SPATS2L: variants seen among roughly 807,000 people sequenced by gnomAD.
SPATS2L encodes the protein SPATS2-like protein.
In SPATS2L, 30 loss-of-function variants were observed where a neutral mutation model predicts 59.6. The observed-to-expected ratio is 0.50, with a 90% CI of 0.38 to 0.68. The LOEUF is 0.68. Among genes scored for constraint, SPATS2L ranks in the 30% least tolerant of loss-of-function variants. The pLI is 0.00. For synonymous variants in SPATS2L, 252 were observed against 263.5 expected, an observed-to-expected ratio of 0.96 and a Z score of 0.42; for missense variants, 615 against 700.0, an observed-to-expected ratio of 0.88 and a Z score of 1.37.
chr2:200,399,106 C>T (rs749707109), intron 3 of SPATS2L, among the ~76,000 whole-genome samples: 1 of 151,464 alleles, frequency 6.6e-6, no homozygotes, highest in Non-Finnish European at 1.5e-5. Flanking sequence ...TGAAATTTAC[C>T]CTCTTATTGT....
chr2:200,461,744 G>C (rs754908335), intron 9 of SPATS2L, among the ~76,000 whole-genome samples: 2 of 152,220 alleles, frequency 1.3e-5, no homozygotes, highest in Non-Finnish European at 2.9e-5. Flanking sequence ...TGAAAGATCA[G>C]ACCAGATTCT....
intron 2 of SPATS2L, among the ~76,000 whole-genome samples, chr2:200,351,020 G>T (rs1161192077): frequency 2.0e-5 from 3 of 152,116 alleles, no homozygotes; most frequent in Admixed American, 2.0e-4. Flanking sequence ...TCACTGCCAA[G>T]AACCTTCTGA....
rs375247521 is a variant in SPATS2L at position 200,395,022 on chromosome 2, C to G, written c.39+5739C>G. 6.6e-5 allele frequency among the ~76,000 whole-genome samples: 10 copies of G among 152,262 alleles called. No individual in the cohort carries two copies. In the East Asian group the frequency reaches 1.2e-3, roughly 18 times the overall value. On this transcript the variant is annotated intron_variant, in intron 3 of 12. Transcript: ENST00000409140. ...GGCTAATCTGATCTTATATTTAGGGCATACTCATTTTTTAATAGCTTCTTT... is the reference window on the plus strand; with the variant it reads ...GGCTAATCTGATCTTATATTTAGGGGATACTCATTTTTTAATAGCTTCTTT...
rs1034464701 is a variant in SPATS2L at position 200,479,892 on chromosome 2, T to C, written c.*1861T>C. On this transcript the variant is annotated 3_prime_UTR_variant, in exon 13 of 13. Transcript: ENST00000409140. ...TCTCTGGGTGTACCCAGAGATTTAATAGAAATTCTTAACGTTAAGTCACAT... is the reference window on the plus strand; with the variant it reads ...TCTCTGGGTGTACCCAGAGATTTAACAGAAATTCTTAACGTTAAGTCACAT... 1.0e-5 allele frequency: 4 copies of C among 397,158 alleles called. No homozygotes were observed. The highest frequency in any genetic ancestry group is 1.8e-5 in the Non-Finnish European group (4 of 225,782). The allele number at this position is 397,158 out of a possible 1,614,324, so 24.6% of individuals were successfully genotyped here.
chr2:200,382,206 C>T (rs1253810844), intron 2 of SPATS2L, among the ~76,000 whole-genome samples: 1 of 152,126 alleles, frequency 6.6e-6, no homozygotes, highest in East Asian at 1.9e-4. Flanking sequence ...TCCCCAGTAC[C>T]TGGGACTACA....
intron 8 of SPATS2L, among the ~76,000 whole-genome samples, chr2:200,444,859 A>C (rs1005550882): frequency 3.3e-5 from 5 of 152,032 alleles, no homozygotes; most frequent in African/African-American, 1.2e-4. Context: ...AGGTGTTTAT[A>C]GTGGTGTCTC....
At chr2:200,457,219 T>A (rs2085900171) in intron 8 of SPATS2L, among the ~76,000 whole-genome samples, 1 of 62,384 alleles carries the variant, frequency 1.6e-5, no homozygotes, top group Non-Finnish European at 3.2e-5. Flanking sequence ...AATGAAAACA[T>A]ACATACACAC....
intron 10 of SPATS2L, among the ~76,000 whole-genome samples, chr2:200,468,435 G>A (rs1408892916): frequency 6.9e-6 from 1 of 145,558 alleles, no homozygotes; most frequent in African/African-American, 2.5e-5. Context: ...AGACACAGCT[G>A]CTGCTAGCTT....
At chr2:200,443,850 G>A (rs769614848) in intron 8 of SPATS2L, among the ~76,000 whole-genome samples, 16 of 152,118 alleles carry the variant, frequency 1.1e-4, no homozygotes, top group Non-Finnish European at 8.8e-5. Flanking sequence ...TAAAATGAAC[G>A]AAATGATCTC....
chr2:200,312,618 G>A (rs1041926244), intron 1 of SPATS2L, among the ~76,000 whole-genome samples: 1 of 152,194 alleles, frequency 6.6e-6, no homozygotes, highest in African/African-American at 2.4e-5. Flanking sequence ...GTGCTATGAA[G>A]TACATGCTCC....
chr2:200,397,094 T>C (rs926053964), intron 3 of SPATS2L, among the ~76,000 whole-genome samples: 1 of 152,178 alleles, frequency 6.6e-6, no homozygotes, highest in Admixed American at 6.5e-5. Flanking sequence ...TCGCATTGCT[T>C]TTTCCAGGCT....
intron 2 of SPATS2L, among the ~76,000 whole-genome samples, chr2:200,347,105 T>C (rs944225340): frequency 6.6e-6 from 1 of 152,200 alleles, no homozygotes; most frequent in Non-Finnish European, 1.5e-5. Flanking sequence ...CCATTCTTCC[T>C]TTATATATGT....
chr2:200,479,454 G>C lies in SPATS2L; in HGVS notation c.*1423G>C, dbSNP rs550338236. ...CATGAAAGGGGGGAGAGAAGTGAATGGGATGAACTAATTTGCATAGACTAA... is the reference window on the plus strand; with the variant it reads ...CATGAAAGGGGGGAGAGAAGTGAATCGGATGAACTAATTTGCATAGACTAA... On this transcript the variant is annotated 3_prime_UTR_variant, in exon 13 of 13. Transcript: ENST00000409140. 2 of 397,898 alleles carry C rather than the reference G, an allele frequency of 5.0e-6. No individual in the cohort carries two copies. The highest frequency in any genetic ancestry group is 2.7e-4 in the South Asian group (2 of 7,278). The allele number at this position is 397,898 out of a possible 1,614,324, so 24.6% of individuals were successfully genotyped here.
intron 8 of SPATS2L, among the ~76,000 whole-genome samples, chr2:200,452,673 A>G (rs2085542532): frequency 6.6e-6 from 1 of 152,206 alleles, no homozygotes; most frequent in Admixed American, 6.5e-5. Context: ...AGTCAGATGG[A>G]TTTTGACTTT....
chr2:200,311,612 G>A (rs1016190392), intron 1 of SPATS2L, among the ~76,000 whole-genome samples: 31 of 152,114 alleles, frequency 2.0e-4, no homozygotes, highest in Admixed American at 1.1e-3. Flanking sequence ...CTGTAAATTA[G>A]AAAAAAATAC....
intron 1 of SPATS2L, among the ~76,000 whole-genome samples, chr2:200,318,629 A>G (rs1051792934): frequency 6.6e-6 from 1 of 151,954 alleles, no homozygotes; most frequent in African/African-American, 2.4e-5. Context: ...CACCTTCTGG[A>G]CTCTTCTCGA....
intron 1 of SPATS2L, among the ~76,000 whole-genome samples, chr2:200,322,836 G>A (rs1366388148): frequency 6.6e-6 from 1 of 152,186 alleles, no homozygotes; most frequent in African/African-American, 2.4e-5. Context: ...AACTCTAGGA[G>A]TAATATTTCA....
intron 12 of SPATS2L, 114 bp from the exon 13 acceptor site, chr2:200,477,522 A>T (rs1009206775): frequency 1.2e-4 from 43 of 362,800 alleles, no homozygotes; most frequent in Non-Finnish European, 1.6e-4. Flanking sequence ...GTATAAAAAA[A>T]AAAAAAAAAA....
Position 200,384,739 on chromosome 2 carries a change from C to CTAATAAGTTT in SPATS2L, c.-22-4480_-22-4471dup, listed in dbSNP as rs1161379007. ...TTTCCTTTATGACTAATATGTTTCCCTAATAAGTTTTAACAGTTTCCTTGA... is the reference window on the plus strand; with the variant it reads ...TTTCCTTTATGACTAATATGTTTCCCTAATAAGTTTTAATAAGTTTTAACAGTTTCCTTGA... On this transcript the variant is annotated intron_variant, in intron 2 of 12. Coordinates refer to ENST00000409140, the MANE Select transcript of SPATS2L (RefSeq NM_001100423.2). 2.6e-5 allele frequency among the ~76,000 whole-genome samples: 4 copies of CTAATAAGTTT among 152,208 alleles called. No individual in the cohort carries two copies. In the South Asian group the frequency reaches 8.3e-4, roughly 32 times the overall value.
Sources: gnomAD v4.1 joint callset for allele counts (sites outside exome capture counted in the v4.1 genomes callset) on GRCh38, gnomAD v4.1.1 for gene constraint, MANE v1.5 for transcripts, NCBI Gene and HGNC (gene_info 2026-07-23, HGNC 2026-07-21) for gene names.